The following MAP2K1 variants were observed in gnomAD, a reference collection of about 807,000 sequenced individuals.
MAP2K1 encodes dual specificity mitogen-activated protein kinase kinase 1.
A neutral mutation model predicts 46.3 loss-of-function variants in MAP2K1; 16 were observed. The ratio of observed to expected loss-of-function variants is 0.35; its 90% CI spans 0.23 to 0.52. MAP2K1 has a LOEUF of 0.52. Ranked by LOEUF, MAP2K1 falls within the 20% of genes least tolerant of loss-of-function variation. The pLI is 0.94. For missense variants in MAP2K1, 263 were observed against 497.1 expected (o/e 0.53, Z 4.48); for synonymous variants, 183 against 185.6 (o/e 0.99, Z 0.11).
intron 1 of MAP2K1, among the ~76,000 whole-genome samples, chr15:66,420,096 T>C (rs542521273): frequency 6.6e-6 from 1 of 151,644 alleles, no homozygotes; most frequent in African/African-American, 2.4e-5. Context: ...ATACAAAAAT[T>C]AGCTGGGCAT....
intron 3 of MAP2K1, among the ~76,000 whole-genome samples, chr15:66,437,776 G>A (rs964052659): frequency 2.0e-5 from 3 of 152,124 alleles, no homozygotes; most frequent in African/African-American, 7.2e-5. Flanking sequence ...ACTGTTATAG[G>A]CATCTGCTGA....
Position 66,444,094 on chromosome 15 carries a change from C to G in MAP2K1, c.517-562C>G, listed in dbSNP as rs570462573. On this transcript the variant is annotated intron_variant, in intron 4 of 10. Transcript: ENST00000307102. ...TCTCTATTAAAAATACAAAATTAGC[C>G]GGGGGTGTTGGTGCATGCCTGTAAT... Among the ~76,000 whole-genome samples, 5 of 151,488 alleles carry G rather than the reference C, an allele frequency of 3.3e-5. No homozygotes were observed. In the South Asian group the frequency reaches 1.0e-3, roughly 32 times the overall value.
intron 1 of MAP2K1, among the ~76,000 whole-genome samples, chr15:66,412,155 G>T (rs2093412985): frequency 6.6e-6 from 1 of 152,232 alleles, no homozygotes; most frequent in African/African-American, 2.4e-5. Flanking sequence ...GAGCTTTAGT[G>T]TCGCTGTAAA....
At position 66,443,351 on chromosome 15, in the gene MAP2K1, C is replaced by A. The variant is rs1215224137; in HGVS notation, c.510C>A (p.Ser170Arg). 6.2e-7 allele frequency: 1 copy of A among 1,601,640 alleles called. No homozygotes were observed. Among genetic ancestry groups the A allele is most frequent in the Non-Finnish European group, 8.6e-7 (1 of 1,168,850 alleles). ...RIPEQILGKV[S>R]IAVIKGLTYL... is the part of the protein sequence containing the mutation. ...CTGAACAAATTTTAGGAAAAGTTAG[C>A]ATTGCTGTGAGTATGTTATGAAGTT... Residue 170 changes from serine to arginine, a missense_variant, in exon 4 of 11, where the codon AGC becomes AGA. Physicochemically the swap from Ser to Arg is moderately radical, Grantham distance 110 (BLOSUM62 -1). Transcript: ENST00000307102.
At chr15:66,478,538 G>T (rs1487316874) in intron 5 of MAP2K1, among the ~76,000 whole-genome samples, 2 of 146,154 alleles carry the variant, frequency 1.4e-5, no homozygotes, top group African/African-American at 2.6e-5. Flanking sequence ...GTCACTCTTT[G>T]CCCAGGCTGG....
At chr15:66,417,143 C>A (rs2093426526) in intron 1 of MAP2K1, among the ~76,000 whole-genome samples, 1 of 152,160 alleles carries the variant, frequency 6.6e-6, no homozygotes, top group Non-Finnish European at 1.5e-5. Context: ...AAGACAGAAG[C>A]AAGCACTATC....
At chr15:66,416,327 T>C (rs1274013514) in intron 1 of MAP2K1, among the ~76,000 whole-genome samples, 2 of 152,024 alleles carry the variant, frequency 1.3e-5, no homozygotes, top group African/African-American at 2.4e-5. Context: ...TTGGCTTACA[T>C]TGTGATACAC....
chr15:66,418,170 G>T (rs750518488), intron 1 of MAP2K1, among the ~76,000 whole-genome samples: 1 of 152,182 alleles, frequency 6.6e-6, no homozygotes, highest in African/African-American at 2.4e-5. Context: ...TTTTGGGTAC[G>T]CTGTATGTAA....
At chr15:66,417,240 A>G (rs1352283874) in intron 1 of MAP2K1, among the ~76,000 whole-genome samples, 1 of 152,170 alleles carries the variant, frequency 6.6e-6, no homozygotes, top group Non-Finnish European at 1.5e-5. Context: ...TGTTAATTTG[A>G]TGGTCTAACT....
intron 1 of MAP2K1, among the ~76,000 whole-genome samples, chr15:66,398,647 G>A (rs2093373897): frequency 6.6e-6 from 1 of 151,822 alleles, no homozygotes; most frequent in South Asian, 2.1e-4. Flanking sequence ...GTGAGACCCT[G>A]TCTCAAAAAC....
At position 66,387,251 on chromosome 15, in the gene MAP2K1, A is replaced by G; in HGVS notation, c.-97A>G. On this transcript the variant is annotated 5_prime_UTR_variant, in exon 1 of 11. Coordinates refer to ENST00000307102, the MANE Select transcript of MAP2K1 (RefSeq NM_002755.4). Reference sequence around the variant, plus strand: ...GGCAGCCCCGGGGCCCGCGGCCCGGACTTGGTCCTGCGCAGCGGGCGCGGG... The same window carrying G: ...GGCAGCCCCGGGGCCCGCGGCCCGGGCTTGGTCCTGCGCAGCGGGCGCGGG... The G allele has an allele frequency of 9.2e-7, 1 of 1,090,494 alleles. No homozygotes were observed. Among genetic ancestry groups the G allele is most frequent in the South Asian group, 1.4e-5 (1 of 71,026 alleles). The allele number at this position is 1,090,494 out of a possible 1,614,324, so 67.6% of individuals were successfully genotyped here. A position where few individuals can be genotyped will look rare whatever the true frequency, so the allele number is the denominator to read the frequency against.
At chr15:66,420,626 T>G (rs1393075908) in intron 1 of MAP2K1, among the ~76,000 whole-genome samples, 4 of 149,746 alleles carry the variant, frequency 2.7e-5, no homozygotes, top group African/African-American at 9.9e-5. Flanking sequence ...ACCTTATTTA[T>G]TTTTCAAAAT....
chr15:66,489,385 AC>A (rs933327169), intron 9 of MAP2K1, 109 bp downstream of exon 9: 34 of 1,058,216 alleles, frequency 3.2e-5, no homozygotes, highest in African/African-American at 3.0e-4. Flanking sequence ...TTTGCCCTTT[AC>A]CCTCCCGTCT....
At chr15:66,441,940 A>T (rs942149138) in intron 3 of MAP2K1, among the ~76,000 whole-genome samples, 1 of 152,144 alleles carries the variant, frequency 6.6e-6, no homozygotes, top group Non-Finnish European at 1.5e-5. Context: ...CCATAGGGGA[A>T]CTTAACCTAT....
intron 3 of MAP2K1, among the ~76,000 whole-genome samples, chr15:66,439,691 A>T (rs1388761569): frequency 6.6e-6 from 1 of 152,094 alleles, no homozygotes; most frequent in Non-Finnish European, 1.5e-5. Flanking sequence ...ACTTCAACCC[A>T]GAAGGTGGAG....
intron 5 of MAP2K1, among the ~76,000 whole-genome samples, chr15:66,460,470 A>G (rs530820313): frequency 2.5e-4 from 38 of 152,296 alleles, no homozygotes; most frequent in Admixed American, 9.8e-4. Context: ...GAGGCAGGAA[A>G]ACACAGACAT....
chr15:66,483,369 A>G (rs1310945025), intron 6 of MAP2K1, among the ~76,000 whole-genome samples: 3 of 152,120 alleles, frequency 2.0e-5, no homozygotes, highest in Non-Finnish European at 4.4e-5. Context: ...TTCTTCCCTA[A>G]ATGTCTAATA....
intron 1 of MAP2K1, among the ~76,000 whole-genome samples, chr15:66,410,307 A>G (rs551942106): frequency 2.0e-5 from 3 of 152,338 alleles, no homozygotes; most frequent in African/African-American, 7.2e-5. Flanking sequence ...CTCTTGACAT[A>G]TCTTTGGTGA....
intron 1 of MAP2K1, among the ~76,000 whole-genome samples, chr15:66,402,559 A>T (rs1394910288): frequency 6.6e-6 from 1 of 152,088 alleles, no homozygotes; most frequent in Non-Finnish European, 1.5e-5. Context: ...CCATTTGTTC[A>T]TGTGTTCCTC....
Sources: gnomAD v4.1 joint callset for allele counts (sites outside exome capture counted in the v4.1 genomes callset) on GRCh38, gnomAD v4.1.1 for gene constraint, MANE v1.5 for transcripts, NCBI Gene and HGNC (gene_info 2026-07-23, HGNC 2026-07-21) for gene names.